ABHD8: variants seen among roughly 807,000 people sequenced by gnomAD.
ABHD8 encodes abhydrolase domain containing 8, also known as protein ABHD8.
A neutral mutation model predicts 29.3 loss-of-function variants in ABHD8; 10 were observed. That is an observed-to-expected ratio of 0.34 (90% CI 0.21 to 0.58). The LOEUF (loss-of-function observed/expected upper bound fraction) is 0.58. Ranked by LOEUF, ABHD8 falls within the 20% of genes least tolerant of loss-of-function variation. ABHD8 has a pLI of 0.85. For synonymous variants in ABHD8, 282 were observed against 274.6 expected, an observed-to-expected ratio of 1.03 and a Z score of -0.27; for missense variants, 556 against 615.3, an observed-to-expected ratio of 0.90 and a Z score of 1.02.
chr19:17,297,674 A>G (rs1407498476), intron 2 of ABHD8: 1 of 152,062 alleles, frequency 6.6e-6, no homozygotes, highest in Non-Finnish European at 1.5e-5. Flanking sequence ...ATATAAACAA[A>G]TAAGAGCTGT....
chr19:17,294,245 C>G, intron 4 of ABHD8, 43 bp downstream of exon 4: 1 of 1,582,530 alleles, frequency 6.3e-7, no homozygotes. Context: ...CGGGCAGCAC[C>G]CTGGGGATTT....
chr19:17,300,085 T>C (rs2074110773), intron 2 of ABHD8, among the ~76,000 whole-genome samples: 1 of 151,628 alleles, frequency 6.6e-6, no homozygotes, highest in South Asian at 2.1e-4. Context: ...TTTGTATTTT[T>C]AGTAGAGACA....
At chr19:17,292,897 G>C in intron 4 of ABHD8, 66 bp from the exon 5 acceptor site, 2 of 1,536,218 alleles carry the variant, frequency 1.3e-6, no homozygotes, top group Non-Finnish European at 1.8e-6. Flanking sequence ...GGCTTCCCTG[G>C]GACTCCGCCA....
intron 2 of ABHD8, among the ~76,000 whole-genome samples, chr19:17,295,760 T>C (rs1025197926): frequency 4.6e-5 from 7 of 152,192 alleles, no homozygotes; most frequent in African/African-American, 1.7e-4. Context: ...GCTGGAGTGG[T>C]GCGGTGGCGT....
intron 2 of ABHD8, among the ~76,000 whole-genome samples, chr19:17,295,544 G>A (rs1434710111): frequency 1.3e-5 from 2 of 151,944 alleles, no homozygotes; most frequent in Admixed American, 1.3e-4. Flanking sequence ...GTAGCTGGGA[G>A]TACAGGCATG....
Position 17,300,958 on chromosome 19 carries a change from T to C in ABHD8, c.659A>G (p.Gln220Arg), listed in dbSNP as rs2074114578. 2.5e-6 allele frequency: 4 copies of C among 1,613,456 alleles called. No homozygotes were observed. Among genetic ancestry groups the C allele is most frequent in the Non-Finnish European group, 3.4e-6 (4 of 1,179,970 alleles). The change falls in exon 2 of 5, where the codon CAG becomes CGG. Residue 220 changes from glutamine to arginine, a missense_variant. Gln to Arg is a conservative substitution (Grantham distance 43, BLOSUM62 1). Coordinates refer to ENST00000247706, the MANE Select transcript of ABHD8 (RefSeq NM_024527.5). ...LAGHGASSAP[Q>R]VAAAYTFYAL... ...ATAGAAGGTGTAGGCTGCGGCCACC[T>C]GGGGCGCAGAGCTGGCCCCGTGGCC...
chr19:17,292,596 G>T lies in ABHD8; in HGVS notation c.*65C>A. On this transcript the variant is annotated 3_prime_UTR_variant, in exon 5 of 5. Transcript: ENST00000247706. ...CCAGGTGGTCTGCGCTGCAGACCTG[G>T]CGCAGGCTCGGGCCTCCTCCTGCTG... 6.7e-7 allele frequency: 1 copy of T among 1,498,490 alleles called. No homozygotes were observed. The highest frequency in any genetic ancestry group is 8.9e-7 in the Non-Finnish European group (1 of 1,119,990). The allele number at this position is 1,498,490 out of a possible 1,614,324, so 92.8% of individuals were successfully genotyped here. A position where few individuals can be genotyped will look rare whatever the true frequency, so the allele number is the denominator to read the frequency against.
At chr19:17,299,243 C>CA (rs1375616961) in intron 2 of ABHD8, among the ~76,000 whole-genome samples, 6 of 148,644 alleles carry the variant, frequency 4.0e-5, no homozygotes, top group Non-Finnish European at 8.9e-5. Flanking sequence ...GACCCCCCCC[C>CA]CATTCTCTAT....
chr19:17,292,620 T>G lies in ABHD8; in HGVS notation c.*41A>C. The G allele has an allele frequency of 6.4e-7, 1 of 1,566,244 alleles. No individual in the cohort carries two copies. The highest frequency in any genetic ancestry group is 8.6e-7 in the Non-Finnish European group (1 of 1,157,052). On this transcript the variant is annotated 3_prime_UTR_variant, in exon 5 of 5. Transcript: ENST00000247706. ...GGCGCAGGCTCGGGCCTCCTCCTGC[T>G]GCGGCTGTGCTCACCAAGCGATGCC...
intron 1 of ABHD8, 98 bp from the exon 2 acceptor site, chr19:17,301,722 C>T: frequency 7.3e-7 from 1 of 1,373,108 alleles, no homozygotes; most frequent in Non-Finnish European, 9.4e-7. Flanking sequence ...CTGTTTTAGA[C>T]TCCAGTTTGG....
chr19:17,301,676 C>T, intron 1 of ABHD8, 52 bp from the exon 2 acceptor site: 1 of 1,477,390 alleles, frequency 6.8e-7, no homozygotes, highest in Non-Finnish European at 8.9e-7. Context: ...GAGAACCCTG[C>T]ACCGTGCAGC....
At chr19:17,294,161 G>T in intron 4 of ABHD8, 127 bp downstream of exon 4, 1 of 1,197,566 alleles carries the variant, frequency 8.4e-7, no homozygotes, top group Non-Finnish European at 1.1e-6. Context: ...CGCCCACCCG[G>T]CAGCCACGCC....
In ABHD8 at chr19:17,300,872, T is replaced by G; in HGVS notation, c.745A>C (p.Ile249Leu). The change falls in exon 2 of 5, where the codon ATT becomes CTT. Residue 249 changes from isoleucine to leucine, a missense_variant. Around this residue, in one of 2 missense-constraint regions of ABHD8, gnomAD observed 270 missense variants for 353.9 expected, o/e 0.76. Transcript: ENST00000247706. ...KRYAKKRNVL[I>L]GHSYGVSFCT... ...TTCACTTACCCGTAGGAATGGCCAA[T>G]GAGCACATTTCGCTTCTTGGCATAG... 6.3e-7 allele frequency: 1 copy of G among 1,596,042 alleles called. No homozygotes were observed. Among genetic ancestry groups the G allele is most frequent in the Non-Finnish European group, 8.6e-7 (1 of 1,166,976 alleles).
At position 17,294,372 on chromosome 19, in the gene ABHD8, G is replaced by A. The variant is rs2074084189; in HGVS notation, c.1065C>T (p.His355=). ...GCAGGACGGGCACGGTGAGCTCGGC[G>A]TGGTAGACCTCGTCGCCCTCGGGCC... ...QYWPEGDEVY[H]AELTVPVLLV... The change falls in exon 4 of 5, where the codon CAC becomes CAT. Residue 355 remains histidine (H), a synonymous_variant. Coordinates refer to ENST00000247706, the MANE Select transcript of ABHD8 (RefSeq NM_024527.5). 1.9e-6 allele frequency: 3 copies of A among 1,613,888 alleles called. No homozygotes were observed. The highest frequency in any genetic ancestry group is 8.5e-7 in the Non-Finnish European group (1 of 1,180,006).
In ABHD8 at chr19:17,294,407, C is replaced by A; in HGVS notation, c.1030G>T (p.Gly344Cys). 1 of 1,614,054 alleles carries A rather than the reference C, an allele frequency of 6.2e-7. No homozygotes were observed. Among genetic ancestry groups the A allele is most frequent in the Non-Finnish European group, 8.5e-7 (1 of 1,180,002 alleles). ...SSFVLRAMMS[G>C]QYWPEGDEVY... Reference sequence around the variant, plus strand: ...TCGTCGCCCTCGGGCCAGTACTGGCCGCTCATCATGGCCCGGAGTACGAAG... The same window carrying A: ...TCGTCGCCCTCGGGCCAGTACTGGCAGCTCATCATGGCCCGGAGTACGAAG... The change falls in exon 4 of 5, where the codon GGC (glycine) becomes TGC (cysteine). Residue 344 changes from glycine (G) to cysteine (C), a missense_variant. Transcript: ENST00000247706.
rs766735434 is a variant in ABHD8, at chr19:17,292,891, T to A, written c.1150-60A>T. The A allele has an allele frequency of 2.3e-5, 36 of 1,543,578 alleles. No homozygotes were observed. In the South Asian group the frequency reaches 4.1e-4, roughly 17 times the overall value. ...CAAGAGGGTGGAGAGAGGCCAGGCT[T>A]CCCTGGGACTCCGCCATACACACAT... On this transcript the variant is annotated intron_variant, in intron 4 of 4. Coordinates refer to ENST00000247706, the MANE Select transcript of ABHD8 (RefSeq NM_024527.5).
intron 2 of ABHD8, among the ~76,000 whole-genome samples, chr19:17,300,108 G>C (rs1329859737): frequency 6.6e-6 from 1 of 151,180 alleles, no homozygotes; most frequent in Admixed American, 6.6e-5. Flanking sequence ...GTTTCACCGT[G>C]TTAGCCAGGA....
intron 2 of ABHD8, among the ~76,000 whole-genome samples, chr19:17,300,202 ATTT>A (rs573118178): frequency 6.9e-6 from 1 of 145,696 alleles, no homozygotes; most frequent in African/African-American, 2.6e-5. Flanking sequence ...CCGCGCCCGG[ATTT>A]TTTTTTCTTT....
chr19:17,292,525 G>A lies in ABHD8; in HGVS notation c.*136C>T. The A allele has an allele frequency of 9.5e-7, 1 of 1,051,906 alleles. No individual in the cohort carries two copies. The highest frequency in any genetic ancestry group is 1.9e-5 in the South Asian group (1 of 52,524). The allele number at this position is 1,051,906 out of a possible 1,614,324, so 65.2% of individuals were successfully genotyped here. ...GCCACGCCCCGCCCAGGCAGCCTGG[G>A]GGCGTCTCCCTGACCTGGCCCCGCC... is the stretch of plus-strand genomic sequence containing the variant. On this transcript the variant is annotated 3_prime_UTR_variant, in exon 5 of 5. Transcript: ENST00000247706.
Sources: allele counts gnomAD v4.1 joint callset (sites outside exome capture counted in the v4.1 genomes callset), GRCh38; gene constraint gnomAD v4.1.1; regional missense constraint gnomAD v4.1.1; transcripts MANE v1.5; gene names NCBI Gene and HGNC (gene_info 2026-07-23, HGNC 2026-07-21).